The following EYS variants were observed in gnomAD, a reference collection of about 807,000 sequenced individuals.
The protein encoded by EYS is protein eyes shut homolog.
In EYS, 250 loss-of-function variants were observed where a neutral mutation model predicts 282.1. That is an observed-to-expected ratio of 0.89 (90% CI 0.80 to 0.98). EYS has a LOEUF of 0.98. Among genes scored for constraint, EYS ranks in the 50% least tolerant of loss-of-function variants. EYS has a pLI of 0.00. For synonymous variants in EYS, 1,355 were observed against 1,282.9 expected (o/e 1.06, Z -1.20); for missense variants, 4,016 against 3,709.0 (o/e 1.08, Z -2.15).
At chr6:63,956,579 A>G (rs897587185) in intron 35 of EYS, among the ~76,000 whole-genome samples, 5 of 152,144 alleles carry the variant, frequency 3.3e-5, no homozygotes, top group African/African-American at 1.2e-4. Context: ...TTAAAGCATT[A>G]TTTTCTATAT....
At chr6:65,110,071 G>T (rs1775170483) in intron 12 of EYS, among the ~76,000 whole-genome samples, 1 of 152,056 alleles carries the variant, frequency 6.6e-6, no homozygotes, top group Admixed American at 6.6e-5. Flanking sequence ...TAATTTTTAA[G>T]AATTCACAGC....
chr6:64,742,481 G>T (rs1772409350), intron 22 of EYS, among the ~76,000 whole-genome samples: 1 of 152,160 alleles, frequency 6.6e-6, no homozygotes, highest in Non-Finnish European at 1.5e-5. Flanking sequence ...TCAAAACAGG[G>T]TTACTAAATA....
intron 29 of EYS, among the ~76,000 whole-genome samples, chr6:64,345,361 C>A (rs1340293419): frequency 1.3e-5 from 2 of 151,992 alleles, no homozygotes; most frequent in Admixed American, 1.3e-4. Flanking sequence ...AGATGTAGAC[C>A]AATGGAACAG....
intron 13 of EYS, among the ~76,000 whole-genome samples, chr6:65,022,865 A>G (rs1374482195): frequency 6.6e-6 from 1 of 151,976 alleles, no homozygotes; most frequent in Non-Finnish European, 1.5e-5. Flanking sequence ...GAGAATATAG[A>G]GATATGTTGT....
intron 12 of EYS, among the ~76,000 whole-genome samples, chr6:65,244,262 TTTATC>T (rs1445295057): frequency 3.3e-5 from 5 of 152,174 alleles, no homozygotes; most frequent in Admixed American, 3.3e-4. Context: ...CGCAAATTAT[TTTATC>T]TTATTTTCCC....
intron 35 of EYS, among the ~76,000 whole-genome samples, chr6:63,898,037 T>G (rs1773575111): frequency 6.6e-6 from 1 of 152,176 alleles, no homozygotes; most frequent in Non-Finnish European, 1.5e-5. Context: ...ATCTTGAGTT[T>G]AGGAGACTTT....
chr6:65,083,579 T>C (rs1424636983), intron 12 of EYS, among the ~76,000 whole-genome samples: 2 of 151,944 alleles, frequency 1.3e-5, no homozygotes, highest in Non-Finnish European at 2.9e-5. Flanking sequence ...ATACCTCGAA[T>C]ATTATTTTGT....
rs180916170 is a variant in EYS, at chr6:65,022,543, G to A, written c.2138-24840C>T. ...ATTGACAGTGGATCAACCCTACAAG[G>A]AATACTAAAGGGAATCTTCTGGCTG... On this transcript the variant is annotated intron_variant, in intron 13 of 42. Coordinates refer to ENST00000503581, the MANE Select transcript of EYS (RefSeq NM_001142800.2). Among the ~76,000 whole-genome samples the A allele has an allele frequency of 3.3e-3, 499 of 152,038 alleles. 2 individuals are homozygous for A. The highest frequency in any genetic ancestry group is 2.8e-3 in the Non-Finnish European group (193 of 67,982).
chr6:64,357,431 T>C (rs574054282), intron 29 of EYS, among the ~76,000 whole-genome samples: 1 of 151,662 alleles, frequency 6.6e-6, no homozygotes, highest in African/African-American at 2.4e-5. Context: ...TACAAAGAAA[T>C]TACCTATCCT....
chr6:64,395,995 C>A (rs1311774206), intron 28 of EYS, among the ~76,000 whole-genome samples: 2 of 151,650 alleles, frequency 1.3e-5, no homozygotes, highest in Non-Finnish European at 1.5e-5. Context: ...GTCAAGTAAC[C>A]ACTACCCAGG....
At chr6:65,289,969 T>TA (rs1207996849) in intron 12 of EYS, among the ~76,000 whole-genome samples, 1 of 151,254 alleles carries the variant, frequency 6.6e-6, no homozygotes, top group Non-Finnish European at 1.5e-5. Context: ...CAAGTAAATT[T>TA]AGAAGTCTTT....
rs397819570 is a variant in EYS at position 64,154,440 on chromosome 6, C to CAAAA, written c.6425-72442_6425-72439dup. ...GGGCAATAAGTGGGAAACTCCGTCT[C>CAAAA]AAAAAAAAAAAAAAAAAAAAAAAAT... On this transcript the variant is annotated intron_variant, in intron 31 of 42. Transcript: ENST00000503581. Among the ~76,000 whole-genome samples the CAAAA allele has an allele frequency of 5.4e-4, 32 of 59,488 alleles. 1 individual carries two copies. Among genetic ancestry groups the CAAAA allele is most frequent in the East Asian group, 1.2e-3 (2 of 1,666 alleles). The allele number at this position is 59,488 out of a possible 152,430, so 39.0% of individuals were successfully genotyped here.
chr6:65,123,236 T>C (rs1163390244), intron 12 of EYS, among the ~76,000 whole-genome samples: 1 of 152,146 alleles, frequency 6.6e-6, no homozygotes, highest in African/African-American at 2.4e-5. Flanking sequence ...TGAGCTATTA[T>C]TTTTCTAAAG....
chr6:64,892,456 T>C (rs1259554841), intron 18 of EYS, among the ~76,000 whole-genome samples: 2 of 151,980 alleles, frequency 1.3e-5, no homozygotes, highest in Admixed American at 1.3e-4. Context: ...ATGAAACCAC[T>C]GGTGAAACTT....
chr6:64,351,979 T>C (rs191331176), intron 29 of EYS, among the ~76,000 whole-genome samples: 24 of 151,700 alleles, frequency 1.6e-4, no homozygotes, highest in Non-Finnish European at 3.1e-4. Flanking sequence ...TTTCAAGATA[T>C]TCCTTAATAT....
chr6:65,392,776 G>T (rs1243995176), intron 7 of EYS, among the ~76,000 whole-genome samples: 2 of 150,936 alleles, frequency 1.3e-5, no homozygotes, highest in African/African-American at 4.8e-5. Flanking sequence ...ATTCCTCAGG[G>T]ATCTGGAACT....
rs80065583 is a variant in EYS at position 65,440,632 on chromosome 6, A to G, written c.863-35265T>C. Among the ~76,000 whole-genome samples the G allele has an allele frequency of 2.0e-5, 3 of 151,392 alleles. No homozygotes were observed. In the East Asian group the frequency reaches 5.8e-4, roughly 29 times the overall value. ...TGAGTCTTCCCCACATTTCCTCCAT[A>G]AACATCCTCATAAAGCTGACCATGT... is the stretch of plus-strand genomic sequence containing the variant. On this transcript the variant is annotated intron_variant, in intron 5 of 42. Transcript: ENST00000503581.
intron 31 of EYS, among the ~76,000 whole-genome samples, chr6:64,118,663 A>G (rs1773470547): frequency 6.6e-6 from 1 of 152,176 alleles, no homozygotes; most frequent in Non-Finnish European, 1.5e-5. Context: ...AGCACAGGCA[A>G]CAAAAGCAAA....
intron 35 of EYS, among the ~76,000 whole-genome samples, chr6:63,901,578 T>A (rs1773660505): frequency 6.6e-6 from 1 of 152,152 alleles, no homozygotes; most frequent in Admixed American, 6.5e-5. Flanking sequence ...CATACAATAG[T>A]CACTGTTGAA....
Sources: allele counts gnomAD v4.1 joint callset (sites outside exome capture counted in the v4.1 genomes callset), GRCh38; gene constraint gnomAD v4.1.1; transcripts MANE v1.5; gene names NCBI Gene and HGNC (gene_info 2026-07-23, HGNC 2026-07-21).